Variants in NASP observed in about 807,000 individuals in gnomAD.
NASP encodes nuclear autoantigenic sperm protein.
Under a neutral mutation model 89.5 loss-of-function variants are expected in NASP, and 24 were observed. The observed-to-expected ratio is 0.27, with a 90% confidence interval of 0.19 to 0.38. NASP has a LOEUF of 0.38. Among genes scored for constraint, NASP ranks in the 10% least tolerant of loss-of-function variants. The pLI is 1.00. For missense variants in NASP, 848 were observed against 921.4 expected, an observed-to-expected ratio of 0.92 and a Z score of 1.03; for synonymous variants, 306 against 324.7, an observed-to-expected ratio of 0.94 and a Z score of 0.62.
chr1:45,599,220 C>G (rs972511120), intron 2 of NASP, among the ~76,000 whole-genome samples: 1 of 152,064 alleles, frequency 6.6e-6, no homozygotes, highest in Non-Finnish European at 1.5e-5. Flanking sequence ...CCTTGAATTC[C>G]TGGGCTCAAA....
chr1:45,593,391 A>G (rs1283252264), intron 2 of NASP, among the ~76,000 whole-genome samples: 2 of 151,710 alleles, frequency 1.3e-5, no homozygotes, highest in East Asian at 3.9e-4. Flanking sequence ...AAATTAGTTG[A>G]GCGTGGTGGC....
intron 1 of NASP, among the ~76,000 whole-genome samples, chr1:45,586,515 C>G (rs774496941): frequency 2.0e-5 from 3 of 152,104 alleles, no homozygotes; most frequent in Non-Finnish European, 4.4e-5. Flanking sequence ...CTCCCAACGC[C>G]TAGGCTCAAG....
Position 45,617,602 on chromosome 1 carries a change from A to G in NASP, c.2286+11A>G. 1 of 1,575,418 alleles carries G rather than the reference A, an allele frequency of 6.3e-7. No individual in the cohort carries two copies. The highest frequency in any genetic ancestry group is 8.6e-7 in the Non-Finnish European group (1 of 1,164,708). On this transcript the variant is annotated intron_variant, in intron 14 of 14. Transcript: ENST00000350030. ...AACATGGAGGAGGAGGTGGGCAGTT[A>G]AGCAGGGCTTAGCCTCTTGCCTCAT...
chr1:45,587,909 G>C (rs1414612295), intron 1 of NASP, among the ~76,000 whole-genome samples: 1 of 150,926 alleles, frequency 6.6e-6, no homozygotes, highest in Non-Finnish European at 1.5e-5. Context: ...AGTCGAGATT[G>C]TGCCACTGCA....
In NASP at chr1:45,615,092, C is replaced by G. The variant is rs761360217; in HGVS notation, c.1746C>G (p.Leu582=). ...QEQYLEAHDR[L]LAETHYQLGL... ...AGTACCTGGAAGCCCACGACCGTCT[C>G]CTTGCAGAGACCCACTACCAGCTGG... is the stretch of plus-strand genomic sequence containing the variant. Residue 582 remains leucine, a synonymous_variant, in exon 10 of 15, where the codon CTC becomes CTG. Transcript: ENST00000350030. 1.2e-6 allele frequency: 2 copies of G among 1,614,196 alleles called. No individual in the cohort carries two copies. The highest frequency in any genetic ancestry group is 8.5e-7 in the Non-Finnish European group (1 of 1,180,038).
chr1:45,608,121 A>G lies in NASP; in HGVS notation c.1210A>G (p.Thr404Ala), dbSNP rs1643941631. The G allele has an allele frequency of 6.2e-7, 1 of 1,614,112 alleles. No individual in the cohort carries two copies. The highest frequency in any genetic ancestry group is 2.2e-5 in the East Asian group (1 of 44,888). Reference protein sequence around the residue: ...PQTSIERLTETKDGSGLEEKV... With the variant: ...PQTSIERLTEAKDGSGLEEKV... ...GACTTCTATAGAAAGACTGACAGAA[A>G]CAAAAGATGGCTCAGGACTAGAGGA... Residue 404 changes from threonine (T) to alanine (A), a missense_variant, in exon 6 of 15, where the codon ACA becomes GCA. Coordinates refer to ENST00000350030, the MANE Select transcript of NASP (RefSeq NM_002482.4).
intron 1 of NASP, among the ~76,000 whole-genome samples, chr1:45,588,384 G>A (rs1379722089): frequency 6.6e-6 from 1 of 152,112 alleles, no homozygotes; most frequent in Admixed American, 6.5e-5. Flanking sequence ...GATTATAGGC[G>A]TTAGCCACCG....
At chr1:45,597,253 G>C (rs1156322247) in intron 2 of NASP, among the ~76,000 whole-genome samples, 2 of 149,844 alleles carry the variant, frequency 1.3e-5, no homozygotes, top group African/African-American at 4.9e-5. Flanking sequence ...GTTGCAGTGA[G>C]CTGAGATCGT....
intron 1 of NASP, among the ~76,000 whole-genome samples, chr1:45,587,994 CTG>C (rs1031522647): frequency 3.3e-5 from 5 of 151,730 alleles, no homozygotes; most frequent in African/African-American, 9.7e-5. Flanking sequence ...AATCCCAACA[CTG>C]TGGGAAGCCA....
At chr1:45,605,380 C>G (rs1366544705) in intron 4 of NASP, among the ~76,000 whole-genome samples, 1 of 152,014 alleles carries the variant, frequency 6.6e-6, no homozygotes, top group African/African-American at 2.4e-5. Context: ...TGGCTATGTT[C>G]TATCAGAATT....
chr1:45,602,262 G>A lies in NASP; in HGVS notation c.115G>A (p.Val39Met). 1.9e-6 allele frequency: 3 copies of A among 1,613,142 alleles called. No homozygotes were observed. Among genetic ancestry groups the A allele is most frequent in the South Asian group, 1.1e-5 (1 of 91,032 alleles). ...TSADKVESLD[V>M]DSEAKKLLGL... ...AAAATCTTTTTTTTGCAGTCTGGAT[G>A]TGGATAGTGAAGCTAAGAAACTATT... The change falls in exon 3 of 15, where the codon GTG (valine) becomes ATG (methionine). Residue 39 changes from valine (V) to methionine (M), a missense_variant. Physicochemically the swap from Val to Met is conservative, Grantham distance 21. Around this residue, in one of 5 missense-constraint regions of NASP, gnomAD observed 89 missense variants for 79.2 expected, o/e 1.12. Coordinates refer to ENST00000350030, the MANE Select transcript of NASP (RefSeq NM_002482.4).
At chr1:45,602,655 T>C (rs975779614) in intron 3 of NASP, among the ~76,000 whole-genome samples, 2 of 151,938 alleles carry the variant, frequency 1.3e-5, no homozygotes, top group Admixed American at 6.6e-5. Flanking sequence ...CCACCCCCGC[T>C]TTTTTTTGTT....
intron 6 of NASP, 145 bp downstream of exon 6, chr1:45,608,482 A>G (rs2148361279): frequency 1.3e-6 from 1 of 799,908 alleles, no homozygotes; most frequent in East Asian, 2.7e-5. Flanking sequence ...GGGTAGTTTA[A>G]CAAGGTCGTG....
At chr1:45,593,244 A>ATAAC (rs1478339537) in intron 2 of NASP, among the ~76,000 whole-genome samples, 1 of 152,026 alleles carries the variant, frequency 6.6e-6, no homozygotes, top group Non-Finnish European at 1.5e-5. Context: ...GTGTTTAGAA[A>ATAAC]TAACTCCGGC....
chr1:45,586,337 G>A (rs1390665652), intron 1 of NASP, among the ~76,000 whole-genome samples: 1 of 150,486 alleles, frequency 6.6e-6, no homozygotes, highest in African/African-American at 2.5e-5. Flanking sequence ...CCAGGCTGGA[G>A]TGCAGTGATG....
rs895423948 is a variant in NASP, at chr1:45,618,654, G to A, written c.*513G>A. The A allele has an allele frequency of 6.5e-6, 1 of 153,824 alleles. No individual in the cohort carries two copies. Among genetic ancestry groups the A allele is most frequent in the African/African-American group, 2.4e-5 (1 of 41,446 alleles). 9.5% of individuals were successfully genotyped at this position (153,824 alleles called of 1,614,324 possible). ...GGGCTATAATTCTGTCCTGGAAAAAGAACTCTGAAAACCTGGGTCAGGGGA... is the reference window on the plus strand; with the variant it reads ...GGGCTATAATTCTGTCCTGGAAAAAAAACTCTGAAAACCTGGGTCAGGGGA... On this transcript the variant is annotated 3_prime_UTR_variant, in exon 15 of 15. Coordinates refer to ENST00000350030, the MANE Select transcript of NASP (RefSeq NM_002482.4).
chr1:45,586,286 T>TGTGTGTG (rs1557646544), intron 1 of NASP, among the ~76,000 whole-genome samples: 10 of 88,362 alleles, frequency 1.1e-4, no homozygotes, highest in African/African-American at 3.7e-4. Flanking sequence ...GTGTGTGTGG[T>TGTGTGTG]GTGTGTGTGT....
At chr1:45,598,943 T>C (rs752573134) in intron 2 of NASP, among the ~76,000 whole-genome samples, 1 of 152,178 alleles carries the variant, frequency 6.6e-6, no homozygotes, top group Non-Finnish European at 1.5e-5. Context: ...TAATACCAGT[T>C]GCCCCGGCCA....
chr1:45,593,524 C>T (rs1643604208), intron 2 of NASP, among the ~76,000 whole-genome samples: 1 of 131,434 alleles, frequency 7.6e-6, no homozygotes, highest in Non-Finnish European at 1.6e-5. Flanking sequence ...CAGAGTGAGA[C>T]TGTCCCCCCC....
Sources: gnomAD v4.1 joint callset for allele counts (sites outside exome capture counted in the v4.1 genomes callset) on GRCh38, gnomAD v4.1.1 for gene constraint, gnomAD v4.1.1 regional missense constraint, MANE v1.5 for transcripts, NCBI Gene and HGNC (gene_info 2026-07-23, HGNC 2026-07-21) for gene names.